Variants in MME observed in about 807,000 individuals in gnomAD.
MME encodes neprilysin.
Under a neutral mutation model 113.2 loss-of-function variants are expected in MME, and 98 were observed. The ratio of observed to expected loss-of-function variants is 0.87; its 90% CI spans 0.74 to 1.02. The LOEUF is 1.02. MME is among the 50% of genes least tolerant of loss of function. The pLI is 0.00. For synonymous variants in MME, 292 were observed against 300.6 expected (o/e 0.97, Z 0.30); for missense variants, 836 against 896.0 (o/e 0.93, Z 0.86).
intron 1 of MME, among the ~76,000 whole-genome samples, chr3:155,036,882 T>G (rs1713147126): frequency 6.6e-6 from 1 of 152,224 alleles, no homozygotes; most frequent in African/African-American, 2.4e-5. Flanking sequence ...TAGTTTTAAG[T>G]TTAGCTCTAT....
rs1713116058 is a variant in MME, at chr3:155,181,783, T to C, written c.*1324T>C. ...CTGTTGTATTGACTATTTTCGTTCA[T>C]TACTTGATTAAGATTTTACAAAAGA... is the stretch of plus-strand genomic sequence containing the variant. On this transcript the variant is annotated 3_prime_UTR_variant, in exon 23 of 23. Coordinates refer to ENST00000360490, the MANE Select transcript of MME (RefSeq NM_007289.4). 1 of 152,166 alleles carries C rather than the reference T, an allele frequency of 6.6e-6. No individual in the cohort carries two copies. The highest frequency in any genetic ancestry group is 2.1e-4 in the South Asian group (1 of 4,832). The allele number at this position is 152,166 out of a possible 1,614,324, so 9.4% of individuals were successfully genotyped here.
At chr3:155,165,411 ATATAT>A (rs1175148191) in intron 17 of MME, among the ~76,000 whole-genome samples, 1 of 152,088 alleles carries the variant, frequency 6.6e-6, no homozygotes, top group Non-Finnish European at 1.5e-5. Flanking sequence ...TCATGAGAGT[ATATAT>A]TATAAGAGGA....
chr3:155,062,434 A>G (rs1286052240), intron 1 of MME, among the ~76,000 whole-genome samples: 1 of 152,134 alleles, frequency 6.6e-6, no homozygotes, highest in Non-Finnish European at 1.5e-5. Context: ...CCTTATTTTT[A>G]GTTCTATGAG....
intron 15 of MME, among the ~76,000 whole-genome samples, 184 bp downstream of exon 15, chr3:155,147,408 A>T (rs1250563430): frequency 6.6e-6 from 1 of 152,124 alleles, no homozygotes; most frequent in South Asian, 2.1e-4. Context: ...ATTAGCCAGG[A>T]CTATATTTGG....
intron 3 of MME, among the ~76,000 whole-genome samples, chr3:155,097,906 A>G (rs142503645): frequency 6.6e-6 from 1 of 152,284 alleles, no homozygotes; most frequent in African/African-American, 2.4e-5. Flanking sequence ...AATGGCATTA[A>G]ACCAGGCAGT....
intron 1 of MME, among the ~76,000 whole-genome samples, chr3:155,071,890 G>C (rs982713795): frequency 6.6e-6 from 1 of 152,056 alleles, no homozygotes; most frequent in Non-Finnish European, 1.5e-5. Context: ...GGCCGGGCGC[G>C]GTGGCTCACG....
intron 3 of MME, among the ~76,000 whole-genome samples, chr3:155,101,367 T>C (rs1406823658): frequency 6.6e-6 from 1 of 152,210 alleles, no homozygotes; most frequent in Non-Finnish European, 1.5e-5. Flanking sequence ...CTTTGAAAAG[T>C]TGACAAATTG....
At chr3:155,070,800 T>G (rs2108144027) in intron 1 of MME, among the ~76,000 whole-genome samples, 1 of 152,286 alleles carries the variant, frequency 6.6e-6, no homozygotes, top group South Asian at 2.1e-4. Context: ...TAGTTTTGAT[T>G]ATCTGGAATC....
intron 2 of MME, 50 bp downstream of exon 2, chr3:155,084,377 T>C: frequency 1.3e-6 from 2 of 1,584,784 alleles, no homozygotes; most frequent in Non-Finnish European, 8.7e-7. Flanking sequence ...GAGAAGGAAA[T>C]CTTCCTCCAT....
intron 3 of MME, among the ~76,000 whole-genome samples, chr3:155,100,665 A>G (rs1008594090): frequency 6.6e-6 from 1 of 152,194 alleles, no homozygotes; most frequent in African/African-American, 2.4e-5. Flanking sequence ...TGCACATGAA[A>G]CCTTGAAAGT....
chr3:155,144,051 T>C (rs578220055), intron 13 of MME, among the ~76,000 whole-genome samples: 4 of 152,288 alleles, frequency 2.6e-5, no homozygotes, highest in East Asian at 3.9e-4. Flanking sequence ...AAACCACTAA[T>C]GGTAATGACA....
rs1010424749 is a variant in MME at position 155,051,523 on chromosome 3, C to T, written c.-11+27199C>T. ...ATAGTGGAAAGCAAAACAGGCACAT[C>T]TTACAGGTGAGAGGCAGGTGAGAGA... On this transcript the variant is annotated intron_variant, in intron 1 of 22. Coordinates refer to the MME transcript ENST00000492661. Among the ~76,000 whole-genome samples the T allele has an allele frequency of 2.0e-5, 3 of 152,168 alleles. No homozygotes were observed. In the East Asian group the frequency reaches 5.8e-4, roughly 29 times the overall value.
rs752553054 is a variant in MME at position 155,140,255 on chromosome 3, A to G, written c.920A>G (p.Gln307Arg). The change falls in exon 10 of 23, where the codon CAG becomes CGG. Residue 307 changes from glutamine (Q) to arginine (R), a missense_variant. Gln to Arg is a conservative substitution (Grantham distance 43, BLOSUM62 1). Coordinates refer to ENST00000360490, the MANE Select transcript of MME (RefSeq NM_007289.4). Reference protein sequence around the residue: ...MLLYNKMTLAQIQNNFSLEIN... With the variant: ...MLLYNKMTLARIQNNFSLEIN... ...CTGTATAACAAGATGACATTGGCCC[A>G]GATCCAAAATAACTTTTCACTAGAG... 1.9e-6 allele frequency: 3 copies of G among 1,612,796 alleles called. No individual in the cohort carries two copies. The highest frequency in any genetic ancestry group is 1.6e-4 in the Middle Eastern group (1 of 6,068).
At chr3:155,079,630 T>TTG (rs1481000476), upstream of MME, 1 of 27,486 alleles carries the variant, frequency 3.6e-5, no homozygotes, top group East Asian at 7.5e-4. Flanking sequence ...GGGTAGGGGG[T>TTG]GGGGGGGGTG....
rs543174842 is a variant in MME at position 155,153,638 on chromosome 3, A to G, written c.1601+4985A>G. Reference sequence around the variant, plus strand: ...GTTTCTCAGGACAGAACTTCCTGTGATATAATTGTGATGGGTGTTGCTAGT... The same window carrying G: ...GTTTCTCAGGACAGAACTTCCTGTGGTATAATTGTGATGGGTGTTGCTAGT... On this transcript the variant is annotated intron_variant, in intron 16 of 22. Coordinates refer to ENST00000360490, the MANE Select transcript of MME (RefSeq NM_007289.4). 5.3e-5 allele frequency among the ~76,000 whole-genome samples: 8 copies of G among 152,270 alleles called. No homozygotes were observed. The South Asian group carries it at 1.7e-3, about 32-fold the overall frequency.
chr3:155,161,117 G>A (rs543531830), intron 17 of MME, among the ~76,000 whole-genome samples: 44 of 152,130 alleles, frequency 2.9e-4, no homozygotes, highest in African/African-American at 9.2e-4. Context: ...GACATAATAT[G>A]ACAAAAATAT....
chr3:155,140,418 T>C, intron 10 of MME, 126 bp downstream of exon 10: 1 of 556,064 alleles, frequency 1.8e-6, no homozygotes, highest in South Asian at 1.9e-5. Context: ...TCCTTTTTTT[T>C]TTTTTTTTTT....
intron 1 of MME, among the ~76,000 whole-genome samples, chr3:155,060,718 G>A (rs184450029): frequency 2.0e-3 from 306 of 151,294 alleles, no homozygotes; most frequent in South Asian, 5.8e-3. Flanking sequence ...CACAGTTCTG[G>A]AGGGTGGAAG....
At position 155,106,102 on chromosome 3, in the gene MME, A is replaced by G. The variant is rs546837181; in HGVS notation, c.197-8892A>G. Among the ~76,000 whole-genome samples the G allele has an allele frequency of 1.5e-4, 23 of 152,356 alleles. No individual in the cohort carries two copies. The South Asian group carries it at 4.8e-3, about 32-fold the overall frequency. On this transcript the variant is annotated intron_variant, in intron 3 of 22. Transcript: ENST00000360490. ...CTCCCCAAACTAGAACAGCAAAAAT[A>G]GGTCTCCTTACTTAAGAGTACAGCT...
Sources: allele counts gnomAD v4.1 joint callset (sites outside exome capture counted in the v4.1 genomes callset), GRCh38; gene constraint gnomAD v4.1.1; transcripts MANE v1.5; gene names NCBI Gene and HGNC (gene_info 2026-07-23, HGNC 2026-07-21).